Variants in LRRTM3 observed in about 807,000 individuals in gnomAD.
LRRTM3 encodes the protein leucine rich repeat transmembrane neuronal 3, also known as leucine-rich repeat transmembrane neuronal protein 3.
In LRRTM3, 24 loss-of-function variants were observed where a neutral mutation model predicts 44.7. The observed-to-expected ratio is 0.54, with a 90% CI of 0.39 to 0.76. The LOEUF is 0.76. LRRTM3 is among the 30% of genes least tolerant of loss of function. LRRTM3 has a pLI of 0.00. For missense variants in LRRTM3, 587 were observed against 702.2 expected (o/e 0.84, Z 1.85); for synonymous variants, 277 against 278.7 (o/e 0.99, Z 0.06).
chr10:66,991,060 C>T (rs1012256629), intron 2 of LRRTM3, among the ~76,000 whole-genome samples: 14 of 152,092 alleles, frequency 9.2e-5, no homozygotes, highest in Non-Finnish European at 1.5e-4. Context: ...TTACAAGACA[C>T]GCTGCAGAAG....
intron 2 of LRRTM3, among the ~76,000 whole-genome samples, chr10:67,025,257 G>T (rs1214954389): frequency 6.6e-6 from 1 of 151,214 alleles, no homozygotes; most frequent in African/African-American, 2.4e-5. Context: ...GACTCATTCA[G>T]TTAACTAAAT....
At chr10:66,991,934 C>T (rs1044214363) in intron 2 of LRRTM3, among the ~76,000 whole-genome samples, 2 of 152,114 alleles carry the variant, frequency 1.3e-5, no homozygotes, top group Non-Finnish European at 2.9e-5. Flanking sequence ...TGGCCATTAA[C>T]CTTCATACCT....
intron 2 of LRRTM3, among the ~76,000 whole-genome samples, chr10:67,030,549 A>G (rs1853651279): frequency 6.7e-6 from 1 of 150,060 alleles, no homozygotes. Flanking sequence ...GTGATTTTAC[A>G]TATTGTATAT....
intron 2 of LRRTM3, among the ~76,000 whole-genome samples, chr10:67,017,136 C>A (rs1852708841): frequency 6.6e-6 from 1 of 152,130 alleles, no homozygotes; most frequent in South Asian, 2.1e-4. Context: ...ACTGAGCAAA[C>A]AATATATTCA....
intron 2 of LRRTM3, among the ~76,000 whole-genome samples, chr10:67,057,235 ACAAT>A (rs1415269232): frequency 4.6e-5 from 7 of 152,192 alleles, no homozygotes; most frequent in Non-Finnish European, 1.0e-4. Flanking sequence ...AATGATTGCC[ACAAT>A]CAATTAATAT....
intron 2 of LRRTM3, among the ~76,000 whole-genome samples, chr10:67,093,602 C>T (rs893460147): frequency 2.0e-5 from 3 of 151,798 alleles, no homozygotes; most frequent in African/African-American, 7.2e-5. Flanking sequence ...CTGGTAGCCT[C>T]TCCATTACTA....
chr10:66,988,667 G>A (rs1041011627), intron 2 of LRRTM3, among the ~76,000 whole-genome samples: 4 of 152,076 alleles, frequency 2.6e-5, no homozygotes, highest in African/African-American at 9.7e-5. Context: ...AACAGTTCAT[G>A]TTTAAAACCT....
rs1046496742 is a variant in LRRTM3, at chr10:67,012,199, A to T, written c.1536+83747A>T. The T allele has an allele frequency of 3.3e-5, 5 of 152,196 alleles. No homozygotes were observed. In the East Asian group the frequency reaches 9.6e-4, roughly 29 times the overall value. The allele number at this position is 152,196 out of a possible 1,614,324, so 9.4% of individuals were successfully genotyped here. A position where few individuals can be genotyped will look rare whatever the true frequency, so the allele number is the denominator to read the frequency against. ...CAGTGTGTGATGCACTTCCTATGTC[A>T]CAGAGTATGAAGAATGTCACAAGGT... is the stretch of plus-strand genomic sequence containing the variant. On this transcript the variant is annotated intron_variant, in intron 2 of 2. Coordinates refer to ENST00000361320, the MANE Select transcript of LRRTM3 (RefSeq NM_178011.5).
At position 67,098,558 on chromosome 10, in the gene LRRTM3, G is replaced by A. The variant is rs988409492; in HGVS notation, c.*762G>A. 1 of 152,208 alleles carries A rather than the reference G, an allele frequency of 6.6e-6. No individual in the cohort carries two copies. The highest frequency in any genetic ancestry group is 1.5e-5 in the Non-Finnish European group (1 of 67,870). 9.4% of individuals were successfully genotyped at this position (152,208 alleles called of 1,614,324 possible). The stretch of plus-strand genomic sequence containing the variant: ...CTAAGCAGTGAAATGTAATGATAAA[G>A]AGGGATATTTTAACATATTTCCGAA... On this transcript the variant is annotated 3_prime_UTR_variant, in exon 3 of 3. Transcript: ENST00000361320.
chr10:66,927,166 C>T lies in LRRTM3; in HGVS notation c.250C>T (p.Leu84Phe). The change falls in exon 2 of 3, where the codon CTC (leucine) becomes TTC (phenylalanine). Residue 84 changes from leucine to phenylalanine, a missense_variant. Leu to Phe is a conservative substitution (Grantham distance 22). This residue lies in a region of LRRTM3 where 222 missense variants were observed against 323.3 expected (regional missense o/e 0.69). Transcript: ENST00000361320. This position sits in a 1 kb window ranked among gnomAD's most constrained non-coding sequence, Gnocchi z 4.7. ...QKLKYNQFKG[L>F]NQLTWLYLDH... ...ACTTAAGTATAATCAATTTAAAGGG[C>T]TCAACCAGCTCACCTGGCTATACCT... The T allele has an allele frequency of 3.7e-6, 6 of 1,614,104 alleles. No homozygotes were observed. The highest frequency in any genetic ancestry group is 5.1e-6 in the Non-Finnish European group (6 of 1,180,000).
intron 2 of LRRTM3, among the ~76,000 whole-genome samples, chr10:67,000,659 A>G (rs750357992): frequency 1.2e-4 from 19 of 152,172 alleles, no homozygotes; most frequent in Non-Finnish European, 2.4e-4. Flanking sequence ...GAGTCTTTAC[A>G]TTCAATTAAA....
In LRRTM3 at chr10:66,926,538, A is replaced by G. The variant is rs1263931840; in HGVS notation, c.-46A>G. The G allele has an allele frequency of 6.2e-7, 1 of 1,612,458 alleles. No homozygotes were observed. Among genetic ancestry groups the G allele is most frequent in the African/African-American group, 1.3e-5 (1 of 74,820 alleles). On this transcript the variant is annotated 5_prime_UTR_variant, in exon 1 of 3. It removes the in-frame stop codon of an upstream open reading frame in the 5' UTR. Coordinates refer to ENST00000361320, the MANE Select transcript of LRRTM3 (RefSeq NM_178011.5). ...AGGGGCTGTCATGCAACTGGCCCCT[A>G]AGCCAAAGCAAAAGACCTAAGGACG...
intron 2 of LRRTM3, among the ~76,000 whole-genome samples, chr10:66,944,535 G>C (rs1413372577): frequency 6.6e-6 from 1 of 152,072 alleles, no homozygotes; most frequent in African/African-American, 2.4e-5. Flanking sequence ...CATGAATCAC[G>C]AATGTTCTTA....
At chr10:67,022,564 G>A (rs1295988019) in intron 2 of LRRTM3, among the ~76,000 whole-genome samples, 1 of 152,172 alleles carries the variant, frequency 6.6e-6, no homozygotes, top group Non-Finnish European at 1.5e-5. Context: ...AGTGAATTTA[G>A]TAAGGTTGCA....
intron 2 of LRRTM3, among the ~76,000 whole-genome samples, chr10:66,978,543 A>T (rs1383734119): frequency 8.0e-5 from 9 of 113,008 alleles, no homozygotes; most frequent in Non-Finnish European, 1.1e-4. Flanking sequence ...AAAAAAAAAA[A>T]AAAAAAAAAA....
intron 2 of LRRTM3, among the ~76,000 whole-genome samples, chr10:67,014,455 TG>T (rs1338582809): frequency 1.3e-5 from 2 of 152,186 alleles, no homozygotes; most frequent in Non-Finnish European, 2.9e-5. Flanking sequence ...AGGTGGTGCC[TG>T]TTTGTAACAT....
chr10:67,006,929 G>A (rs1852028259), intron 2 of LRRTM3, among the ~76,000 whole-genome samples: 1 of 152,028 alleles, frequency 6.6e-6, no homozygotes, highest in African/African-American at 2.4e-5. Context: ...AAGTAGCTGG[G>A]ATTACAGTCA....
At chr10:67,007,833 C>A (rs1448746578) in intron 2 of LRRTM3, among the ~76,000 whole-genome samples, 1 of 151,696 alleles carries the variant, frequency 6.6e-6, no homozygotes, top group Non-Finnish European at 1.5e-5. Context: ...AACCATTCAC[C>A]TCAAAATAGC....
intron 2 of LRRTM3, among the ~76,000 whole-genome samples, chr10:66,987,841 G>A (rs1310912458): frequency 1.3e-5 from 2 of 152,074 alleles, no homozygotes; most frequent in Non-Finnish European, 2.9e-5. Flanking sequence ...TTTAATCAGT[G>A]GCTTTACAAT....
Sources: allele counts gnomAD v4.1 joint callset (sites outside exome capture counted in the v4.1 genomes callset), GRCh38; gene constraint gnomAD v4.1.1; regional missense constraint gnomAD v4.1.1; non-coding constraint Gnocchi (gnomAD v3.1); transcripts MANE v1.5; gene names NCBI Gene and HGNC (gene_info 2026-07-23, HGNC 2026-07-21).